Variants in HSD17B4 observed in about 807,000 individuals in gnomAD.
HSD17B4 encodes the protein peroxisomal multifunctional enzyme type 2.
In HSD17B4, 70 loss-of-function variants were observed where a neutral mutation model predicts 101.0. The observed-to-expected ratio is 0.69, with a 90% CI of 0.57 to 0.85. HSD17B4 has a LOEUF of 0.85. HSD17B4 is among the 40% of genes least tolerant of loss of function. The probability of loss-of-function intolerance (pLI) is 0.00; values close to 1 mark genes in which losing one functional copy is unlikely to be tolerated. For synonymous variants in HSD17B4, 347 were observed against 297.1 expected, an observed-to-expected ratio of 1.17 and a Z score of -1.73; for missense variants, 984 against 892.4, an observed-to-expected ratio of 1.10 and a Z score of -1.31.
chr5:119,509,444 G>A lies in HSD17B4; in HGVS notation c.1437+200G>A, dbSNP rs32664. 0.61 allele frequency: 417,254 copies of A among 688,482 alleles called. 129,940 individuals are homozygous for A. The highest frequency in any genetic ancestry group is 0.94 in the East Asian group (34,151 of 36,458). 42.6% of individuals were successfully genotyped at this position (688,482 alleles called of 1,614,324 possible). A position where few individuals can be genotyped will look rare whatever the true frequency, so the allele number is the denominator to read the frequency against. On this transcript the variant is annotated intron_variant, in intron 16 of 23. Transcript: ENST00000510025. ...CTCCTCCTCAGCCTACCCAATGTGA[G>A]GATGATGAGGATGAAGACCTTTATG... is the stretch of plus-strand genomic sequence containing the variant.
At chr5:119,462,361 A>G (rs1031217132) in intron 2 of HSD17B4, among the ~76,000 whole-genome samples, 2 of 136,142 alleles carry the variant, frequency 1.5e-5, no homozygotes, top group Admixed American at 1.7e-4. Flanking sequence ...GTACTGTAGT[A>G]GGTCCAATTT....
At chr5:119,493,536 T>C in intron 10 of HSD17B4, 1 of 356,808 alleles carries the variant, frequency 2.8e-6, no homozygotes, top group South Asian at 2.5e-5. Flanking sequence ...ATTATATAAT[T>C]AAACTTTTTC....
At chr5:119,506,692 C>G (rs1449940143) in intron 14 of HSD17B4, 126 bp from the exon 15 acceptor site, 1 of 586,804 alleles carries the variant, frequency 1.7e-6, no homozygotes, top group Non-Finnish European at 3.1e-6. Flanking sequence ...TTCAGGAACA[C>G]TATTTCAAAC....
chr5:119,494,312 CTTTCTTTCTTTCT>C (rs1330865986), intron 11 of HSD17B4, among the ~76,000 whole-genome samples: 7 of 143,806 alleles, frequency 4.9e-5, no homozygotes, highest in South Asian at 2.2e-4. Context: ...CTCTTTCTTC[CTTTCTTTCTTTCT>C]TTTCTTTCTT....
chr5:119,484,112 G>T (rs1749391245), intron 8 of HSD17B4, among the ~76,000 whole-genome samples: 1 of 152,116 alleles, frequency 6.6e-6, no homozygotes, highest in East Asian at 1.9e-4. Flanking sequence ...GAAGGCTGAG[G>T]TGAAAGGATT....
At chr5:119,485,962 T>A (rs1441242941) in intron 8 of HSD17B4, among the ~76,000 whole-genome samples, 1 of 152,188 alleles carries the variant, frequency 6.6e-6, no homozygotes, top group East Asian at 1.9e-4. Context: ...GATGTTTTAA[T>A]TAAGATGTTT....
At chr5:119,475,187 G>A (rs1199256485) in intron 4 of HSD17B4, among the ~76,000 whole-genome samples, 2 of 152,050 alleles carry the variant, frequency 1.3e-5, no homozygotes, top group Non-Finnish European at 1.5e-5. Context: ...TGAAATCATA[G>A]GGTGAAAATA....
chr5:119,539,982 A>G (rs1337730885), intron 23 of HSD17B4, among the ~76,000 whole-genome samples: 2 of 151,184 alleles, frequency 1.3e-5, no homozygotes, highest in African/African-American at 4.9e-5. Context: ...AGTCCCAGCT[A>G]CTTGAGAGGC....
At chr5:119,527,079 A>C in intron 19 of HSD17B4, 54 bp from the exon 20 acceptor site, 1 of 1,066,244 alleles carries the variant, frequency 9.4e-7, no homozygotes, top group Non-Finnish European at 1.5e-6. Flanking sequence ...TTCCTCCTAC[A>C]AGTAAAAGAG....
At chr5:119,538,782 C>T (rs926491297) in intron 23 of HSD17B4, among the ~76,000 whole-genome samples, 2 of 152,226 alleles carry the variant, frequency 1.3e-5, no homozygotes, top group South Asian at 4.1e-4. Flanking sequence ...TAGCTGTTTG[C>T]ATGGCTGGCT....
intron 17 of HSD17B4, among the ~76,000 whole-genome samples, chr5:119,523,484 G>T (rs551700749): frequency 6.6e-5 from 10 of 152,138 alleles, no homozygotes; most frequent in Middle Eastern, 3.4e-3. Context: ...CTTATTTTGT[G>T]TTATGATTGA....
rs548738246 is a variant in HSD17B4 at position 119,523,430 on chromosome 5, G to A, written c.1504-1786G>A. Among the ~76,000 whole-genome samples the A allele has an allele frequency of 2.0e-5, 3 of 152,064 alleles. No individual in the cohort carries two copies. In the South Asian group the frequency reaches 6.2e-4, roughly 32 times the overall value. ...GAAATATGCCATTTCTTCAAAATAC[G>A]TAGAAGATAAGCTTTGGCAGTGGTC... On this transcript the variant is annotated intron_variant, in intron 17 of 23. Coordinates refer to ENST00000510025, the MANE Select transcript of HSD17B4 (RefSeq NM_000414.4).
chr5:119,486,420 A>G (rs1245483018), intron 8 of HSD17B4, among the ~76,000 whole-genome samples: 1 of 151,744 alleles, frequency 6.6e-6, no homozygotes, highest in Non-Finnish European at 1.5e-5. Flanking sequence ...ACCTCACCCC[A>G]TTTCTTCCCC....
intron 13 of HSD17B4, among the ~76,000 whole-genome samples, chr5:119,501,678 C>A (rs987788538): frequency 6.6e-6 from 1 of 152,122 alleles, no homozygotes; most frequent in African/African-American, 2.4e-5. Flanking sequence ...TTTGTTCATT[C>A]TTATTCAATG....
chr5:119,531,867 A>C (rs993630106), intron 22 of HSD17B4, among the ~76,000 whole-genome samples: 6 of 152,268 alleles, frequency 3.9e-5, no homozygotes, highest in East Asian at 1.9e-4. Context: ...ACTATTTTCT[A>C]GATATATACA....
chr5:119,452,558 T>A lies in HSD17B4; in HGVS notation c.-18T>A, dbSNP rs1368153465. The A allele has an allele frequency of 6.2e-7, 1 of 1,613,954 alleles. No homozygotes were observed. Among genetic ancestry groups the A allele is most frequent in the South Asian group, 1.1e-5 (1 of 91,066 alleles). ...GCGGCTCTGCTTGTTCGTGTGTGTG[T>A]CGTTGCAGGCCTTATTCATGGGCTC... is the stretch of plus-strand genomic sequence containing the variant. On this transcript the variant is annotated 5_prime_UTR_variant, in exon 1 of 24. Coordinates refer to ENST00000510025, the MANE Select transcript of HSD17B4 (RefSeq NM_000414.4).
intron 16 of HSD17B4, among the ~76,000 whole-genome samples, chr5:119,510,984 G>C (rs1752116705): frequency 6.6e-6 from 1 of 152,206 alleles, no homozygotes; most frequent in East Asian, 1.9e-4. Flanking sequence ...ACCTGTGGCA[G>C]GTTGAGAATA....
intron 22 of HSD17B4, 70 bp downstream of exon 22, chr5:119,531,474 T>G: frequency 6.8e-7 from 1 of 1,468,956 alleles, no homozygotes; most frequent in South Asian, 1.1e-5. Context: ...TTTTAACAAT[T>G]AAAGACCTTT....
In HSD17B4 at chr5:119,452,653, A is replaced by T; in HGVS notation, c.58+20A>T. ...GGGCAGGTGAGCATGCGAAGGTTGG[A>T]GGCCGCGCCCCTTGCTGAGGCGCAG... is the stretch of plus-strand genomic sequence containing the variant. On this transcript the variant is annotated intron_variant, in intron 1 of 23. Transcript: ENST00000510025. 1 of 1,613,496 alleles carries T rather than the reference A, an allele frequency of 6.2e-7. No homozygotes were observed. The highest frequency in any genetic ancestry group is 1.1e-5 in the South Asian group (1 of 91,044).
Sources: allele counts gnomAD v4.1 joint callset (sites outside exome capture counted in the v4.1 genomes callset), GRCh38; gene constraint gnomAD v4.1.1; transcripts MANE v1.5; gene names NCBI Gene and HGNC (gene_info 2026-07-23, HGNC 2026-07-21).